The following ADAMTS20 variants were observed in gnomAD, a reference collection of about 807,000 sequenced individuals.
ADAMTS20 encodes the protein A disintegrin and metalloproteinase with thrombospondin motifs 20.
Under a neutral mutation model 260.1 loss-of-function variants are expected in ADAMTS20, and 225 were observed. The ratio of observed to expected loss-of-function variants is 0.87; its 90% CI spans 0.78 to 0.97. The LOEUF is 0.97. ADAMTS20 is among the 50% of genes least tolerant of loss of function. The pLI is 0.00. For synonymous variants in ADAMTS20, 802 were observed against 769.5 expected, an observed-to-expected ratio of 1.04 and a Z score of -0.70; for missense variants, 2,400 against 2,337.7, an observed-to-expected ratio of 1.03 and a Z score of -0.55.
intron 3 of ADAMTS20, among the ~76,000 whole-genome samples, chr12:43,530,654 G>A (rs1943208335): frequency 6.6e-6 from 1 of 152,038 alleles, no homozygotes; most frequent in South Asian, 2.1e-4. Context: ...CTTTTGTCTA[G>A]ATTTTGTACT....
intron 28 of ADAMTS20, among the ~76,000 whole-genome samples, chr12:43,403,687 C>T (rs1940857078): frequency 6.6e-6 from 1 of 151,712 alleles, no homozygotes; most frequent in African/African-American, 2.4e-5. Context: ...ATCTGTAATG[C>T]TATAGCAAAA....
chr12:43,530,855 A>T (rs1472513357), intron 3 of ADAMTS20, among the ~76,000 whole-genome samples: 2 of 152,072 alleles, frequency 1.3e-5, no homozygotes, highest in East Asian at 3.8e-4. Flanking sequence ...ATCTATTATA[A>T]ATCTTCAGTA....
intron 37 of ADAMTS20, among the ~76,000 whole-genome samples, chr12:43,358,383 G>A (rs187561724): frequency 8.5e-5 from 13 of 152,072 alleles, no homozygotes; most frequent in African/African-American, 3.1e-4. Flanking sequence ...AAAAAAAATG[G>A]TAAAACAATT....
Position 43,552,172 on chromosome 12 carries a change from C to T in ADAMTS20, c.-251G>A, listed in dbSNP as rs1054225685. ...TGCGCCCGCGCTGCCCTCAGAAACT[C>T]TCTGCTCAGGTTCAGCTCGGCGCGG... On this transcript the variant is annotated 5_prime_UTR_variant, in exon 1 of 39. Transcript: ENST00000389420. Among the ~76,000 whole-genome samples the T allele has an allele frequency of 3.3e-5, 5 of 152,224 alleles. No homozygotes were observed. The highest frequency in any genetic ancestry group is 7.2e-5 in the African/African-American group (3 of 41,462).
rs1231187062 is a variant in ADAMTS20 at position 43,460,983 on chromosome 12, TATA to T, written c.1614+1909_1614+1911del. Among the ~76,000 whole-genome samples, 79 of 61,792 alleles carry T rather than the reference TATA, an allele frequency of 1.3e-3. 2 individuals are homozygous for T. Among genetic ancestry groups the T allele is most frequent in the African/African-American group, 3.9e-3 (64 of 16,498 alleles). The allele number at this position is 61,792 out of a possible 152,430, so 40.5% of individuals were successfully genotyped here. On this transcript the variant is annotated intron_variant, in intron 11 of 38. Coordinates refer to ENST00000389420, the MANE Select transcript of ADAMTS20 (RefSeq NM_025003.5). Reference sequence around the variant, plus strand: ...ACTAAATTATATATATATATATATATATATATTTTTTTTTTTTTTTTTTTTTTT... The same window carrying T: ...ACTAAATTATATATATATATATATATTATTTTTTTTTTTTTTTTTTTTTTT...
chr12:43,419,685 G>T (rs1941193301), intron 28 of ADAMTS20, among the ~76,000 whole-genome samples: 1 of 151,900 alleles, frequency 6.6e-6, no homozygotes, highest in African/African-American at 2.4e-5. Flanking sequence ...AGTTTTTAGG[G>T]TTATTTTATA....
chr12:43,356,639 G>T (rs1372510720), intron 37 of ADAMTS20, 51 bp from the exon 38 acceptor site: 2 of 1,343,620 alleles, frequency 1.5e-6, no homozygotes, highest in East Asian at 2.4e-5. Flanking sequence ...CAAAATATTT[G>T]ATTACAAATA....
intron 4 of ADAMTS20, among the ~76,000 whole-genome samples, chr12:43,501,473 G>GCGCGCGCGCA (rs1322020004): frequency 1.8e-5 from 1 of 55,480 alleles, no homozygotes; most frequent in Non-Finnish European, 3.6e-5. Context: ...GCGCGCGCGC[G>GCGCGCGCGCA]CGCGCGCGCA....
chr12:43,520,096 A>G lies in ADAMTS20; in HGVS notation c.613+11940T>C, dbSNP rs569728759. Among the ~76,000 whole-genome samples the G allele has an allele frequency of 2.6e-5, 4 of 152,294 alleles. No individual in the cohort carries two copies. The South Asian group carries it at 8.3e-4, about 32-fold the overall frequency. On this transcript the variant is annotated intron_variant, in intron 3 of 38. Transcript: ENST00000389420. ...CAGTTAAAATTTTTTTAAATGTGAA[A>G]AAATAAATTAGGCACAAAAAAGGCT...
intron 21 of ADAMTS20, 125 bp from the exon 22 acceptor site, chr12:43,431,621 C>G (rs913513920): frequency 3.2e-5 from 36 of 1,110,412 alleles, no homozygotes; most frequent in Non-Finnish European, 2.7e-6. Context: ...TGCATTTTCC[C>G]TCACTCCACC....
chr12:43,474,350 G>A (rs1942314983), intron 7 of ADAMTS20, among the ~76,000 whole-genome samples: 1 of 148,986 alleles, frequency 6.7e-6, no homozygotes, highest in Non-Finnish European at 1.5e-5. Flanking sequence ...ATAATCAATA[G>A]TTTACCAACC....
chr12:43,465,714 C>T (rs1942141131), intron 9 of ADAMTS20, among the ~76,000 whole-genome samples: 1 of 151,998 alleles, frequency 6.6e-6, no homozygotes. Flanking sequence ...TTTTACATGT[C>T]ACATCAGTAT....
At chr12:43,532,555 G>GT (rs370124548) in intron 2 of ADAMTS20, among the ~76,000 whole-genome samples, 53,564 of 137,066 alleles carry the variant, frequency 0.39, 10,777 homozygotes, top group Middle Eastern at 0.45. Flanking sequence ...TTTTTTTAAT[G>GT]TTTTTTTTTT....
At chr12:43,488,960 A>T (rs929118832) in intron 7 of ADAMTS20, among the ~76,000 whole-genome samples, 4 of 152,074 alleles carry the variant, frequency 2.6e-5, no homozygotes, top group African/African-American at 9.7e-5. Context: ...AAGTACCAGT[A>T]CACCAAGTAC....
At chr12:43,493,801 C>A (rs1459006715) in intron 4 of ADAMTS20, among the ~76,000 whole-genome samples, 1 of 152,090 alleles carries the variant, frequency 6.6e-6, no homozygotes, top group Non-Finnish European at 1.5e-5. Flanking sequence ...TTTCCAACTC[C>A]AAATATGGTT....
chr12:43,540,154 G>A (rs937485720), intron 2 of ADAMTS20, among the ~76,000 whole-genome samples: 5 of 152,212 alleles, frequency 3.3e-5, no homozygotes, highest in African/African-American at 1.2e-4. Flanking sequence ...ACAGGCGTTA[G>A]CCACCATGCC....
intron 8 of ADAMTS20, among the ~76,000 whole-genome samples, chr12:43,467,800 C>A (rs1423711849): frequency 6.6e-6 from 1 of 152,112 alleles, no homozygotes; most frequent in Non-Finnish European, 1.5e-5. Flanking sequence ...AAATTATCTC[C>A]ATTTGAAATT....
chr12:43,452,423 A>C lies in ADAMTS20; in HGVS notation c.1943-13T>G, dbSNP rs1941883050. The C allele has an allele frequency of 1.2e-6, 2 of 1,605,648 alleles. No individual in the cohort carries two copies. Among genetic ancestry groups the C allele is most frequent in the Non-Finnish European group, 1.7e-6 (2 of 1,177,692 alleles). The stretch of plus-strand genomic sequence containing the variant: ...TCCTTTGTGCCAACTGTAAAAAAGA[A>C]AAAGGTCAAATTTTTAATGTATAAT... On this transcript the variant is annotated splice_polypyrimidine_tract_variant and intron_variant, in intron 13 of 38. Transcript: ENST00000389420.
At chr12:43,464,789 G>T in intron 9 of ADAMTS20, 57 bp from the exon 10 acceptor site, 2 of 1,515,890 alleles carry the variant, frequency 1.3e-6, no homozygotes, top group Non-Finnish European at 1.8e-6. Context: ...ATTCCAGTAT[G>T]ATTCTTTATC....
Sources: gnomAD v4.1 joint callset for allele counts (sites outside exome capture counted in the v4.1 genomes callset) on GRCh38, gnomAD v4.1.1 for gene constraint, MANE v1.5 for transcripts, NCBI Gene and HGNC (gene_info 2026-07-23, HGNC 2026-07-21) for gene names.